Variants in PBX3 observed in about 807,000 individuals in gnomAD.
PBX3 encodes the protein pre-B-cell leukemia transcription factor 3.
PBX3 carries 14 observed loss-of-function variants against 48.5 expected under a neutral mutation model. That is an observed-to-expected ratio of 0.29 (90% confidence interval 0.19 to 0.45). PBX3 has a LOEUF of 0.45. Ranked by LOEUF, PBX3 falls within the 20% of genes least tolerant of loss-of-function variation. The pLI, the probability that PBX3 is intolerant of heterozygous loss-of-function variation, is 1.00. For synonymous variants in PBX3, 210 were observed against 200.3 expected (o/e 1.05, Z -0.41); for missense variants, 386 against 546.7 (o/e 0.71, Z 2.93).
intron 2 of PBX3, among the ~76,000 whole-genome samples, chr9:125,910,330 GCT>G (rs2132449810): frequency 6.6e-6 from 1 of 152,098 alleles, no homozygotes; most frequent in South Asian, 2.1e-4. Flanking sequence ...TTAATGTCTC[GCT>G]CTGTTTTTCT....
intron 2 of PBX3, among the ~76,000 whole-genome samples, chr9:125,770,252 A>G (rs1836907071): frequency 6.6e-6 from 1 of 152,210 alleles, no homozygotes; most frequent in Non-Finnish European, 1.5e-5. Flanking sequence ...TCTACCAGTA[A>G]TATTCTCTGA....
intron 2 of PBX3, among the ~76,000 whole-genome samples, chr9:125,819,419 G>A (rs1462308893): frequency 2.6e-5 from 4 of 151,744 alleles, no homozygotes; most frequent in Non-Finnish European, 4.4e-5. Flanking sequence ...CCAGCTACTC[G>A]GAAGGTTGAG....
At position 125,951,971 on chromosome 9, in the gene PBX3, T is replaced by C. The variant is rs190102818; in HGVS notation, c.844-8713T>C. Among the ~76,000 whole-genome samples, 51 of 152,280 alleles carry C rather than the reference T, an allele frequency of 3.3e-4. 1 individual carries two copies. The highest frequency in any genetic ancestry group is 3.3e-3 in the Admixed American group (51 of 15,294). On this transcript the variant is annotated intron_variant, in intron 5 of 8. Transcript: ENST00000373489. ...TATTAACACCATTAACTTTAAAAAATTGAACAGTATCTGGCTTCCATCCCT... is the reference window on the plus strand; with the variant it reads ...TATTAACACCATTAACTTTAAAAAACTGAACAGTATCTGGCTTCCATCCCT...
At chr9:125,948,769 A>G (rs1163244188) in intron 5 of PBX3, among the ~76,000 whole-genome samples, 1 of 151,892 alleles carries the variant, frequency 6.6e-6, no homozygotes, top group Non-Finnish European at 1.5e-5. Flanking sequence ...CTAAGAATTT[A>G]ATCTACAAAC....
rs757573908 is a variant in PBX3 at position 125,747,637 on chromosome 9, G to A, written c.184G>A (p.Asp62Asn). ...CATGACCATCACCGACCAGAGCTTG[G>A]ACGAGGCGCAAGCAAAGTTGGTGTC... ...QIMTITDQSL[D>N]EAQAKKHALN... The change falls in exon 1 of 9, where the codon GAC becomes AAC. Residue 62 changes from aspartate to asparagine, a missense_variant. Asp to Asn is a conservative substitution (Grantham distance 23). Transcript: ENST00000373489. The A allele has an allele frequency of 6.3e-7, 1 of 1,592,782 alleles. No individual in the cohort carries two copies. Among genetic ancestry groups the A allele is most frequent in the South Asian group, 1.1e-5 (1 of 89,122 alleles).
intron 2 of PBX3, among the ~76,000 whole-genome samples, chr9:125,898,706 A>G (rs1204937001): frequency 1.3e-5 from 2 of 151,742 alleles, no homozygotes; most frequent in African/African-American, 4.8e-5. Flanking sequence ...AGAATGCTGA[A>G]CCTCTAGTCT....
At chr9:125,931,327 C>T (rs1450063015) in intron 4 of PBX3, among the ~76,000 whole-genome samples, 1 of 152,094 alleles carries the variant, frequency 6.6e-6, no homozygotes, top group Non-Finnish European at 1.5e-5. Flanking sequence ...TATGCATTCC[C>T]TATGCACTCC....
intron 2 of PBX3, among the ~76,000 whole-genome samples, chr9:125,755,636 C>G (rs1836492986): frequency 6.9e-6 from 1 of 145,518 alleles, no homozygotes; most frequent in Admixed American, 6.9e-5. Context: ...ATTTGCCTGT[C>G]AGTAAATTGA....
intron 2 of PBX3, among the ~76,000 whole-genome samples, chr9:125,816,569 T>C (rs1588176568): frequency 6.6e-6 from 1 of 152,212 alleles, no homozygotes; most frequent in Non-Finnish European, 1.5e-5. Flanking sequence ...AAGTGAGGAT[T>C]AGAGCGGCTA....
At chr9:125,877,515 ATATGCTTAACC>A (rs1283397585) in intron 2 of PBX3, among the ~76,000 whole-genome samples, 1 of 152,232 alleles carries the variant, frequency 6.6e-6, no homozygotes, top group African/African-American at 2.4e-5. Context: ...AAATTAAGAG[ATATGCTTAACC>A]CATAAAATCT....
intron 1 of PBX3, 200 bp from the exon 2 acceptor site, chr9:125,748,350 G>C: frequency 7.7e-7 from 1 of 1,300,070 alleles, no homozygotes; most frequent in Non-Finnish European, 9.9e-7. Context: ...GGTCCGCCTT[G>C]TTCCGGCTGC....
At chr9:125,808,502 A>C (rs995536570) in intron 2 of PBX3, among the ~76,000 whole-genome samples, 2 of 152,006 alleles carry the variant, frequency 1.3e-5, no homozygotes, top group Non-Finnish European at 2.9e-5. Context: ...CTGTCTCTAC[A>C]AAAAATTTAA....
At chr9:125,912,446 A>G (rs1444766545) in intron 2 of PBX3, among the ~76,000 whole-genome samples, 1 of 152,112 alleles carries the variant, frequency 6.6e-6, no homozygotes, top group African/African-American at 2.4e-5. Context: ...GCTCTCTCCC[A>G]TTATCTGTGG....
intron 2 of PBX3, among the ~76,000 whole-genome samples, chr9:125,856,556 G>A (rs915350573): frequency 6.6e-6 from 1 of 152,220 alleles, no homozygotes; most frequent in Non-Finnish European, 1.5e-5. Context: ...TGTGGCAGTA[G>A]TAATTTTTGC....
At chr9:125,747,851 TG>T (rs1235933174) in intron 1 of PBX3, among the ~76,000 whole-genome samples, 198 bp downstream of exon 1, 7 of 151,312 alleles carry the variant, frequency 4.6e-5, no homozygotes, top group Admixed American at 3.3e-4. Context: ...AAAGTTGCTC[TG>T]GGGGGCTCGG....
intron 2 of PBX3, among the ~76,000 whole-genome samples, chr9:125,883,809 A>G (rs1225970246): frequency 6.6e-6 from 1 of 152,236 alleles, no homozygotes; most frequent in East Asian, 1.9e-4. Flanking sequence ...TAGTACTAAT[A>G]AAACCATGTG....
chr9:125,760,642 A>T (rs952510524), intron 2 of PBX3, among the ~76,000 whole-genome samples: 1 of 152,196 alleles, frequency 6.6e-6, no homozygotes, highest in African/African-American at 2.4e-5. Flanking sequence ...ATAATTTGGT[A>T]AACATAAACA....
chr9:125,754,626 A>G (rs1836462974), intron 2 of PBX3, among the ~76,000 whole-genome samples: 1 of 152,072 alleles, frequency 6.6e-6, no homozygotes, highest in Admixed American at 6.5e-5. Context: ...TTAATCTTCA[A>G]CACTTGATTC....
At chr9:125,916,272 G>T (rs928202485) in intron 3 of PBX3, among the ~76,000 whole-genome samples, 4 of 152,110 alleles carry the variant, frequency 2.6e-5, no homozygotes, top group African/African-American at 9.7e-5. Context: ...CACTAGCCTT[G>T]TTCATAAGCT....
Sources: gnomAD v4.1 joint callset for allele counts (sites outside exome capture counted in the v4.1 genomes callset) on GRCh38, gnomAD v4.1.1 for gene constraint, MANE v1.5 for transcripts, NCBI Gene and HGNC (gene_info 2026-07-23, HGNC 2026-07-21) for gene names.